EYS: variants seen among roughly 807,000 people sequenced by gnomAD.
EYS encodes EGF-like photoreceptor maintenance factor, also known as protein eyes shut homolog.
Under a neutral mutation model 282.1 loss-of-function variants are expected in EYS, and 250 were observed. The ratio of observed to expected loss-of-function variants is 0.89; its 90% CI spans 0.80 to 0.98. The LOEUF (loss-of-function observed/expected upper bound fraction) is 0.98. Among genes scored for constraint, EYS ranks in the 50% least tolerant of loss-of-function variants. The pLI is 0.00. For synonymous variants in EYS, 1,355 were observed against 1,282.9 expected (o/e 1.06, Z -1.20); for missense variants, 4,016 against 3,709.0 (o/e 1.08, Z -2.15).
chr6:64,785,174 G>T (rs1022796928), intron 22 of EYS, among the ~76,000 whole-genome samples: 7 of 152,152 alleles, frequency 4.6e-5, no homozygotes, highest in African/African-American at 1.4e-4. Flanking sequence ...CACTACTTCA[G>T]TTGCCAGCGT....
intron 19 of EYS, among the ~76,000 whole-genome samples, chr6:64,833,978 G>A (rs74593985): frequency 0.017 from 2,606 of 151,952 alleles, 75 homozygotes; most frequent in African/African-American, 0.06. Flanking sequence ...TCATTTGAAT[G>A]GGCCCCAAAC....
intron 26 of EYS, among the ~76,000 whole-genome samples, chr6:64,581,112 A>C (rs1374731057): frequency 6.6e-6 from 1 of 152,196 alleles, no homozygotes; most frequent in Non-Finnish European, 1.5e-5. Flanking sequence ...TATGAGTGAA[A>C]GTGCAAAGAC....
chr6:64,792,467 T>C (rs1020088384), intron 22 of EYS, among the ~76,000 whole-genome samples: 1 of 151,982 alleles, frequency 6.6e-6, no homozygotes, highest in Non-Finnish European at 1.5e-5. Flanking sequence ...ACCAAAATTA[T>C]ACGTGCTGTG....
intron 5 of EYS, among the ~76,000 whole-genome samples, chr6:65,408,672 A>T (rs1306241783): frequency 6.6e-6 from 1 of 151,970 alleles, no homozygotes; most frequent in South Asian, 2.1e-4. Context: ...TCAAAAATCA[A>T]TTTTTTTGTT....
At chr6:65,544,162 T>G (rs1184002524) in intron 2 of EYS, among the ~76,000 whole-genome samples, 1 of 152,148 alleles carries the variant, frequency 6.6e-6, no homozygotes, top group Non-Finnish European at 1.5e-5. Flanking sequence ...GCCTTTGGTT[T>G]GTAACTTGGA....
chr6:64,914,093 A>G (rs2150077655), intron 15 of EYS, among the ~76,000 whole-genome samples: 1 of 152,200 alleles, frequency 6.6e-6, no homozygotes, highest in African/African-American at 2.4e-5. Flanking sequence ...TTTACACACA[A>G]AATTCTAGCA....
Position 63,721,348 on chromosome 6 carries a change from T to G in EYS, c.8683A>C (p.Thr2895Pro). ...GGCAAACATCTGCAAGAAAAAGTTGTGCCATTTACTGTACATTCACCTCCA... is the reference window on the plus strand; with the variant it reads ...GGCAAACATCTGCAAGAAAAAGTTGGGCCATTTACTGTACATTCACCTCCA... ...RNGGECTVNG[T>P]TFSCRCLPDW... Residue 2895 changes from threonine (T) to proline (P), a missense_variant, in exon 43 of 43, where the codon ACA becomes CCA. Transcript: ENST00000503581. The G allele has an allele frequency of 6.4e-7, 1 of 1,551,946 alleles. No individual in the cohort carries two copies. Among genetic ancestry groups the G allele is most frequent in the African/African-American group, 1.4e-5 (1 of 73,160 alleles).
At chr6:63,894,635 G>C (rs190183097) in intron 35 of EYS, among the ~76,000 whole-genome samples, 1 of 151,850 alleles carries the variant, frequency 6.6e-6, no homozygotes, top group African/African-American at 2.4e-5. Context: ...AGGCTGGAGT[G>C]CAGTGGCACA....
chr6:65,461,092 T>C (rs77209804), intron 5 of EYS, among the ~76,000 whole-genome samples: 6,217 of 152,184 alleles, frequency 0.041, 385 homozygotes, highest in African/African-American at 0.13. Context: ...ATTGATGTGA[T>C]TGATTGGATC....
chr6:65,043,306 T>C (rs1179729719), intron 13 of EYS, among the ~76,000 whole-genome samples: 1 of 151,546 alleles, frequency 6.6e-6, no homozygotes, highest in Non-Finnish European at 1.5e-5. Flanking sequence ...TGCTTATAAA[T>C]AACATAACTA....
chr6:64,382,773 A>T (rs145325560), intron 29 of EYS, among the ~76,000 whole-genome samples: 1 of 152,330 alleles, frequency 6.6e-6, no homozygotes, highest in Non-Finnish European at 1.5e-5. Context: ...AGATCCAGGG[A>T]CAGGCCCTTC....
At chr6:64,928,059 A>G (rs1051982129) in intron 15 of EYS, among the ~76,000 whole-genome samples, 1 of 152,058 alleles carries the variant, frequency 6.6e-6, no homozygotes, top group African/African-American at 2.4e-5. Context: ...GCAATTGCCA[A>G]AACTCCTTAA....
intron 12 of EYS, among the ~76,000 whole-genome samples, chr6:65,208,749 G>A (rs1469572995): frequency 1.6e-4 from 19 of 115,324 alleles, no homozygotes; most frequent in African/African-American, 1.2e-4. Context: ...GCTAAACAAT[G>A]GGAACATAAA....
intron 30 of EYS, among the ~76,000 whole-genome samples, chr6:64,257,785 GAT>G: frequency 6.6e-6 from 1 of 151,968 alleles, no homozygotes; most frequent in South Asian, 2.1e-4. Flanking sequence ...TGATGATGAT[GAT>G]GATGATGATG....
chr6:64,244,721 T>C (rs2150345070), intron 30 of EYS, among the ~76,000 whole-genome samples: 1 of 152,322 alleles, frequency 6.6e-6, no homozygotes, highest in Non-Finnish European at 1.5e-5. Context: ...ATCTTGCTCA[T>C]TAATTCTCTT....
At chr6:65,335,739 A>G (rs1428967384) in intron 10 of EYS, among the ~76,000 whole-genome samples, 2 of 151,712 alleles carry the variant, frequency 1.3e-5, no homozygotes, top group African/African-American at 4.8e-5. Flanking sequence ...TATTTTGAAC[A>G]CAGACCTTAT....
intron 31 of EYS, among the ~76,000 whole-genome samples, chr6:64,223,413 G>A (rs934538646): frequency 3.3e-5 from 5 of 151,902 alleles, no homozygotes; most frequent in Non-Finnish European, 7.4e-5. Flanking sequence ...TGGTACAATT[G>A]AGGTCATTAG....
intron 35 of EYS, among the ~76,000 whole-genome samples, chr6:63,914,920 A>T (rs1764381372): frequency 6.6e-6 from 1 of 152,204 alleles, no homozygotes; most frequent in Non-Finnish European, 1.5e-5. Flanking sequence ...AGGTTGGTTC[A>T]TGAGGTTTAA....
intron 29 of EYS, chr6:64,377,685 T>C (rs1159468107): frequency 1.3e-5 from 2 of 152,116 alleles, no homozygotes; most frequent in Non-Finnish European, 2.9e-5. Context: ...AGGCATTTTG[T>C]AAAGTTGTGT....
Sources: gnomAD v4.1 joint callset for allele counts (sites outside exome capture counted in the v4.1 genomes callset) on GRCh38, gnomAD v4.1.1 for gene constraint, MANE v1.5 for transcripts, NCBI Gene and HGNC (gene_info 2026-07-23, HGNC 2026-07-21) for gene names.